The following TRAF3 variants were observed in gnomAD, a reference collection of about 807,000 sequenced individuals.
TRAF3 encodes the protein TNF receptor associated factor 3.
Under a neutral mutation model 62.3 loss-of-function variants are expected in TRAF3, and 13 were observed. The ratio of observed to expected loss-of-function variants is 0.21; its 90% CI spans 0.14 to 0.33. The LOEUF is 0.33. Among genes scored for constraint, TRAF3 ranks in the 10% least tolerant of loss-of-function variants. TRAF3 has a pLI of 1.00. For synonymous variants in TRAF3, 269 were observed against 283.4 expected (o/e 0.95, Z 0.51); for missense variants, 440 against 741.8 (o/e 0.59, Z 4.73).
In TRAF3 at chr14:102,907,961, C is replaced by T. The variant is rs947274406; in HGVS notation, c.*2177C>T. On this transcript the variant is annotated 3_prime_UTR_variant, in exon 12 of 12. Coordinates refer to ENST00000392745, the MANE Select transcript of TRAF3 (RefSeq NM_145725.3). ...AAACTACTGTTCCCTCGAAGGTGTC[C>T]CCCACCTGAGGCCTGTCCCCTACCT... The T allele has an allele frequency of 1.3e-5, 2 of 152,282 alleles. No individual in the cohort carries two copies. The highest frequency in any genetic ancestry group is 2.9e-5 in the Non-Finnish European group (2 of 68,044). 9.4% of individuals were successfully genotyped at this position (152,282 alleles called of 1,614,324 possible).
intron 4 of TRAF3, among the ~76,000 whole-genome samples, chr14:102,874,649 T>TC (rs1888542105): frequency 8.5e-6 from 1 of 118,140 alleles, no homozygotes; most frequent in African/African-American, 5.5e-5. Flanking sequence ...TTTTTCTTCT[T>TC]CTTTTTTTTT....
chr14:102,839,411 G>T (rs1886240624), intron 2 of TRAF3, among the ~76,000 whole-genome samples: 1 of 151,912 alleles, frequency 6.6e-6, no homozygotes, highest in Non-Finnish European at 1.5e-5. Flanking sequence ...GTAGAGACGG[G>T]GTTTCACCTT....
chr14:102,820,593 TATATATATATATATATA>T (rs1398998521), intron 1 of TRAF3, among the ~76,000 whole-genome samples: 23 of 6,904 alleles, frequency 3.3e-3, no homozygotes, highest in Non-Finnish European at 5.7e-3. Context: ...TATATATATA[TATATATATATATATATA>T]TATATTTTTT....
At chr14:102,897,484 T>G in intron 10 of TRAF3, 83 bp downstream of exon 10, 6 of 1,551,382 alleles carry the variant, frequency 3.9e-6, no homozygotes, top group Non-Finnish European at 5.3e-6. Context: ...GCAAACTCTT[T>G]GAGCTGAGTC....
At chr14:102,899,044 A>C (rs1890143912) in intron 10 of TRAF3, among the ~76,000 whole-genome samples, 2 of 152,236 alleles carry the variant, frequency 1.3e-5, no homozygotes, top group Non-Finnish European at 2.9e-5. Context: ...GACTCAGAGC[A>C]GGCTGCCCGC....
intron 1 of TRAF3, among the ~76,000 whole-genome samples, chr14:102,794,479 A>C (rs2139426799): frequency 6.6e-6 from 1 of 152,340 alleles, no homozygotes; most frequent in East Asian, 1.9e-4. Context: ...TACTGTGCCC[A>C]GTCTGGAGCT....
chr14:102,844,607 C>G (rs758518167), intron 2 of TRAF3, among the ~76,000 whole-genome samples: 2 of 152,166 alleles, frequency 1.3e-5, no homozygotes, highest in Non-Finnish European at 2.9e-5. Context: ...GAATTTATAC[C>G]TGACAAGGAT....
intron 1 of TRAF3, among the ~76,000 whole-genome samples, chr14:102,801,968 A>G (rs1898453656): frequency 6.8e-6 from 1 of 147,322 alleles, no homozygotes; most frequent in Non-Finnish European, 1.5e-5. Flanking sequence ...GTGAGCCGAG[A>G]TCATGCCACT....
chr14:102,805,145 A>G (rs754570571), intron 1 of TRAF3, among the ~76,000 whole-genome samples: 1 of 152,164 alleles, frequency 6.6e-6, no homozygotes, highest in African/African-American at 2.4e-5. Flanking sequence ...TAATTTAGAT[A>G]ATTAGCAACT....
chr14:102,887,079 G>C (rs1428359430), intron 7 of TRAF3, among the ~76,000 whole-genome samples: 1 of 152,226 alleles, frequency 6.6e-6, no homozygotes. Context: ...TTTGAGACAG[G>C]TAGATTTTGC....
chr14:102,876,800 C>G (rs543573716), intron 6 of TRAF3: 17 of 458,150 alleles, frequency 3.7e-5, no homozygotes, highest in African/African-American at 1.4e-4. Flanking sequence ...GTTCCACAAG[C>G]CTTCCGCTCA....
chr14:102,819,630 T>G (rs929473416), intron 1 of TRAF3, among the ~76,000 whole-genome samples: 1 of 152,234 alleles, frequency 6.6e-6, no homozygotes, highest in African/African-American at 2.4e-5. Flanking sequence ...TGCCCTGTTG[T>G]TGTCATCTAA....
intron 1 of TRAF3, among the ~76,000 whole-genome samples, chr14:102,814,284 TA>T (rs1162826467): frequency 1.5e-4 from 23 of 152,204 alleles, no homozygotes; most frequent in African/African-American, 5.5e-4. Context: ...TATCTGTTTT[TA>T]TAGACACATA....
chr14:102,859,579 A>G (rs910343384), intron 2 of TRAF3, among the ~76,000 whole-genome samples: 1 of 152,266 alleles, frequency 6.6e-6, no homozygotes, highest in Non-Finnish European at 1.5e-5. Context: ...GACCTGCCTG[A>G]TTTAGACCGA....
At chr14:102,840,403 T>A (rs1566767705) in intron 2 of TRAF3, among the ~76,000 whole-genome samples, 2 of 151,996 alleles carry the variant, frequency 1.3e-5, no homozygotes, top group African/African-American at 2.4e-5. Flanking sequence ...GATAATTTTT[T>A]ATTTTTTTTT....
At chr14:102,824,012 G>C (rs1303844625) in intron 1 of TRAF3, among the ~76,000 whole-genome samples, 6 of 152,202 alleles carry the variant, frequency 3.9e-5, no homozygotes. Context: ...TCCATTGATA[G>C]ACGTTTGGGT....
intron 2 of TRAF3, among the ~76,000 whole-genome samples, chr14:102,839,053 C>T (rs1886202832): frequency 6.6e-6 from 1 of 152,046 alleles, no homozygotes; most frequent in Non-Finnish European, 1.5e-5. Context: ...TAGAAGCTTT[C>T]CCTGTCATAT....
At chr14:102,824,183 C>T (rs1900155985) in intron 1 of TRAF3, among the ~76,000 whole-genome samples, 1 of 152,136 alleles carries the variant, frequency 6.6e-6, no homozygotes, top group African/African-American at 2.4e-5. Flanking sequence ...TATGTTTGTA[C>T]AGACAGTTTG....
At chr14:102,794,043 T>G (rs987657947) in intron 1 of TRAF3, among the ~76,000 whole-genome samples, 2 of 152,198 alleles carry the variant, frequency 1.3e-5, no homozygotes, top group Non-Finnish European at 2.9e-5. Context: ...GGATCCTCCC[T>G]CTCCTTGTGC....
Sources: gnomAD v4.1 joint callset for allele counts (sites outside exome capture counted in the v4.1 genomes callset) on GRCh38, gnomAD v4.1.1 for gene constraint, MANE v1.5 for transcripts, NCBI Gene and HGNC (gene_info 2026-07-23, HGNC 2026-07-21) for gene names.